STK32A: variants seen among roughly 807,000 people sequenced by gnomAD.
STK32A encodes serine/threonine kinase 32A.
STK32A carries 41 observed loss-of-function variants against 53.2 expected under a neutral mutation model. That is an observed-to-expected ratio of 0.77 (90% confidence interval 0.60 to 1.00). STK32A has a LOEUF of 1.00. Ranked by LOEUF, STK32A falls within the 50% of genes least tolerant of loss-of-function variation. The probability of loss-of-function intolerance (pLI) is 0.00; values close to 1 mark genes in which losing one functional copy is unlikely to be tolerated. For synonymous variants in STK32A, 166 were observed against 162.8 expected (o/e 1.02, Z -0.15); for missense variants, 458 against 485.8 (o/e 0.94, Z 0.54).
intron 6 of STK32A, chr5:147,348,846 C>G: frequency 1.5e-6 from 1 of 683,510 alleles, no homozygotes; most frequent in Non-Finnish European, 2.7e-6. Flanking sequence ...TGCTAAGTCT[C>G]CTGTAATCAT....
At chr5:147,246,544 T>G (rs980887718) in intron 2 of STK32A, among the ~76,000 whole-genome samples, 4 of 152,214 alleles carry the variant, frequency 2.6e-5, no homozygotes, top group African/African-American at 9.6e-5. Flanking sequence ...TGAAATAATT[T>G]TTGTGAAAAA....
intron 11 of STK32A, among the ~76,000 whole-genome samples, chr5:147,379,449 C>A (rs533214258): frequency 6.6e-6 from 1 of 151,918 alleles, no homozygotes; most frequent in South Asian, 2.1e-4. Context: ...GTATGTGTAC[C>A]AAGTTCATAG....
intron 2 of STK32A, among the ~76,000 whole-genome samples, chr5:147,247,642 C>T (rs1364410716): frequency 6.6e-6 from 1 of 152,158 alleles, no homozygotes; most frequent in Non-Finnish European, 1.5e-5. Flanking sequence ...CCAAGTAATA[C>T]AGTCTCTGTC....
chr5:147,324,623 C>G (rs796413490), intron 5 of STK32A, among the ~76,000 whole-genome samples: 25 of 152,180 alleles, frequency 1.6e-4, no homozygotes, highest in African/African-American at 6.0e-4. Context: ...AGAGATAATA[C>G]AGAGAAAAGG....
At chr5:147,401,549 A>C in the STK32A span, 2 of 1,612,240 alleles carry the variant, frequency 1.2e-6, no homozygotes, top group Non-Finnish European at 1.7e-6. Flanking sequence ...CCTGGCCAGC[A>C]AGGAGTTGAT....
chr5:147,267,305 C>T (rs1343670810), intron 2 of STK32A, among the ~76,000 whole-genome samples: 4 of 152,094 alleles, frequency 2.6e-5, no homozygotes, highest in African/African-American at 4.8e-5. Flanking sequence ...GTAGTACAGA[C>T]AAACCCAAAA....
intron 5 of STK32A, among the ~76,000 whole-genome samples, chr5:147,333,124 CATA>C (rs1754952287): frequency 6.6e-6 from 1 of 152,092 alleles, no homozygotes; most frequent in African/African-American, 2.4e-5. Flanking sequence ...TCATTTAACA[CATA>C]ATATTGATCA....
Position 147,375,108 on chromosome 5 carries a change from G to A in STK32A, c.922G>A (p.Asp308Asn), listed in dbSNP as rs779877998. 6.2e-7 allele frequency: 1 copy of A among 1,607,052 alleles called. No homozygotes were observed. Among genetic ancestry groups the A allele is most frequent in the Non-Finnish European group, 8.5e-7 (1 of 1,177,482 alleles). The change falls in exon 11 of 13, where the codon GAT (aspartate) becomes AAT (asparagine). Residue 308 changes from aspartate to asparagine, a missense_variant. Physicochemically the swap from Asp to Asn is conservative, Grantham distance 23. Transcript: ENST00000397936. ...CTTGCAGAAAGGCAGGCTGAATTGT[G>A]ATCCTACCTTTGAACTTGAGGAAAT... ...FIPNKGRLNC[D>N]PTFELEEMIL...
At chr5:147,368,191 A>C (rs950637796) in intron 8 of STK32A, among the ~76,000 whole-genome samples, 4 of 152,202 alleles carry the variant, frequency 2.6e-5, no homozygotes, top group African/African-American at 9.6e-5. Context: ...TATTATCCAA[A>C]AGTGTTAACT....
chr5:147,292,617 C>G (rs1220505291), intron 4 of STK32A, among the ~76,000 whole-genome samples: 2 of 152,078 alleles, frequency 1.3e-5, no homozygotes, highest in African/African-American at 4.8e-5. Flanking sequence ...GCCTATAATC[C>G]CAGCATTTTG....
chr5:147,256,484 GTTTGC>G (rs1172037470), intron 2 of STK32A, among the ~76,000 whole-genome samples: 1 of 152,074 alleles, frequency 6.6e-6, no homozygotes, highest in Non-Finnish European at 1.5e-5. Context: ...AGTTGCCAAA[GTTTGC>G]TTTAAGTCTT....
chr5:147,366,477 A>T (rs994261264), intron 8 of STK32A, among the ~76,000 whole-genome samples: 21 of 152,150 alleles, frequency 1.4e-4, no homozygotes, highest in Admixed American at 1.3e-4. Flanking sequence ...GTTTTTCTAG[A>T]TCTCTTTATA....
At chr5:147,373,045 G>C (rs186411898) in intron 9 of STK32A, 124 bp from the exon 10 acceptor site, 1 of 1,151,676 alleles carries the variant, frequency 8.7e-7, no homozygotes, top group Non-Finnish European at 1.2e-6. Flanking sequence ...ATGGGATTAG[G>C]GATAGGGGAC....
chr5:147,309,144 C>T (rs1403144366), intron 4 of STK32A, among the ~76,000 whole-genome samples: 2 of 152,022 alleles, frequency 1.3e-5, no homozygotes, highest in Admixed American at 6.6e-5. Context: ...ATGAATGTGA[C>T]TCAGGGCACA....
At chr5:147,345,248 C>G (rs923487215) in intron 6 of STK32A, among the ~76,000 whole-genome samples, 2 of 152,104 alleles carry the variant, frequency 1.3e-5, no homozygotes, top group African/African-American at 4.8e-5. Flanking sequence ...ATCTTACTTA[C>G]AAAAGAAATC....
At chr5:147,319,267 C>T (rs1561716889) in intron 4 of STK32A, among the ~76,000 whole-genome samples, 1 of 151,812 alleles carries the variant, frequency 6.6e-6, no homozygotes, top group Non-Finnish European at 1.5e-5. Context: ...CTCAGCCTCC[C>T]GAGTAGCTGG....
intron 4 of STK32A, among the ~76,000 whole-genome samples, chr5:147,286,642 C>T (rs1752356378): frequency 6.6e-6 from 1 of 152,098 alleles, no homozygotes; most frequent in Non-Finnish European, 1.5e-5. Flanking sequence ...ATAAATGCAT[C>T]TTGATTTCTA....
rs1378793684 is a variant in STK32A, at chr5:147,375,183, AAGG to A, written c.1000_1002del (p.Glu334del). ...TAAGAAAAAAAAGCGTCTGGCAAAGAAGGAGAAGGATATGAGGAAATGCGATTC... is the reference window on the plus strand; with the variant it reads ...TAAGAAAAAAAAGCGTCTGGCAAAGAAGAAGGATATGAGGAAATGCGATTC... On this transcript the variant is annotated inframe_deletion, in exon 11 of 13. Transcript: ENST00000397936. The A allele has an allele frequency of 7.4e-6, 12 of 1,610,918 alleles. No individual in the cohort carries two copies. The highest frequency in any genetic ancestry group is 1.3e-5 in the African/African-American group (1 of 74,836).
intron 4 of STK32A, among the ~76,000 whole-genome samples, chr5:147,307,540 T>C (rs1178927461): frequency 1.4e-5 from 2 of 145,450 alleles, no homozygotes; most frequent in Non-Finnish European, 3.0e-5. Flanking sequence ...GAGAATCCCA[T>C]GAATCCTAGA....
Sources: gnomAD v4.1 joint callset for allele counts (sites outside exome capture counted in the v4.1 genomes callset) on GRCh38, gnomAD v4.1.1 for gene constraint, MANE v1.5 for transcripts, NCBI Gene and HGNC (gene_info 2026-07-23, HGNC 2026-07-21) for gene names.